CACNA1C: variants seen among roughly 807,000 people sequenced by gnomAD.
CACNA1C encodes calcium voltage-gated channel subunit alpha1 C.
In CACNA1C, 30 loss-of-function variants were observed where a neutral mutation model predicts 229.0. The observed-to-expected ratio is 0.13, with a 90% CI of 0.10 to 0.18. The LOEUF is 0.18. Ranked by LOEUF, CACNA1C falls within the 10% of genes least tolerant of loss-of-function variation. The pLI is 1.00. For missense variants in CACNA1C, 1,658 were observed against 2,845.0 expected, an observed-to-expected ratio of 0.58 and a Z score of 9.49; for synonymous variants, 1,114 against 1,132.5, an observed-to-expected ratio of 0.98 and a Z score of 0.33.
chr12:2,167,077 G>A (rs1275025428), intron 3 of CACNA1C, among the ~76,000 whole-genome samples: 2 of 152,174 alleles, frequency 1.3e-5, no homozygotes, highest in South Asian at 2.1e-4. Context: ...TTCAACCCAC[G>A]TTTATCATCA....
At chr12:2,674,845 G>C (rs569563112) in intron 39 of CACNA1C, among the ~76,000 whole-genome samples, 1 of 152,220 alleles carries the variant, frequency 6.6e-6, no homozygotes, top group Non-Finnish European at 1.5e-5. Flanking sequence ...GGAGGCAGGT[G>C]CAACGCCCTG....
Position 2,466,896 on chromosome 12 carries a change from A to T in CACNA1C, c.757+9190A>T, listed in dbSNP as rs557030361. ...CTTCAGCCTCTCCACCCCTGTTCTC[A>T]CCCCCTCTCATGTCCTTGGACTTGG... is the stretch of plus-strand genomic sequence containing the variant. On this transcript the variant is annotated intron_variant, in intron 5 of 46. Coordinates refer to ENST00000399655, the MANE Select transcript of CACNA1C (RefSeq NM_000719.7). Among the ~76,000 whole-genome samples, 4 of 150,412 alleles carry T rather than the reference A, an allele frequency of 2.7e-5. No homozygotes were observed. The East Asian group carries it at 7.9e-4, about 30-fold the overall frequency.
At chr12:2,369,919 A>C (rs1488966904) in intron 3 of CACNA1C, among the ~76,000 whole-genome samples, 12 of 152,234 alleles carry the variant, frequency 7.9e-5, no homozygotes. Context: ...CCACAGAAAA[A>C]TTACAGAAAA....
intron 3 of CACNA1C, among the ~76,000 whole-genome samples, chr12:2,300,992 T>C (rs2094514240): frequency 6.6e-6 from 1 of 152,238 alleles, no homozygotes. Flanking sequence ...GTCCTGGAGC[T>C]GCACAGCCAC....
intron 3 of CACNA1C, among the ~76,000 whole-genome samples, chr12:2,122,718 C>G (rs183645113): frequency 6.6e-6 from 1 of 152,376 alleles, no homozygotes; most frequent in Non-Finnish European, 1.5e-5. Context: ...GGGAGCTCAT[C>G]TGTGTCCACA....
At chr12:2,324,482 A>T (rs979644741) in intron 3 of CACNA1C, among the ~76,000 whole-genome samples, 2 of 152,210 alleles carry the variant, frequency 1.3e-5, no homozygotes, top group Admixed American at 1.3e-4. Flanking sequence ...ACCATTGCAC[A>T]CATGCCTGAG....
intron 3 of CACNA1C, among the ~76,000 whole-genome samples, chr12:2,394,883 C>A (rs2098545130): frequency 6.6e-6 from 1 of 152,224 alleles, no homozygotes; most frequent in South Asian, 2.1e-4. Flanking sequence ...GCTGTATCTG[C>A]AAAGCCAGTG....
intron 3 of CACNA1C, among the ~76,000 whole-genome samples, chr12:2,194,386 C>T (rs2097340235): frequency 6.8e-6 from 1 of 148,010 alleles, no homozygotes; most frequent in African/African-American, 2.5e-5. Flanking sequence ...CCCCTTCCTG[C>T]TCCCCCTCCT....
chr12:2,377,626 G>A (rs2098116010), intron 3 of CACNA1C, among the ~76,000 whole-genome samples: 1 of 152,176 alleles, frequency 6.6e-6, no homozygotes, highest in Non-Finnish European at 1.5e-5. Context: ...CACAGGTACT[G>A]AGCATTGAGC....
chr12:2,313,686 G>C (rs1490649771), intron 3 of CACNA1C, among the ~76,000 whole-genome samples: 1 of 152,122 alleles, frequency 6.6e-6, no homozygotes, highest in Non-Finnish European at 1.5e-5. Context: ...ACACATGCTG[G>C]TTCCCTCCCT....
Position 2,348,831 on chromosome 12 carries a change from A to T in CACNA1C, c.478-100145A>T, listed in dbSNP as rs1200128408. Among the ~76,000 whole-genome samples the T allele has an allele frequency of 1.3e-5, 2 of 151,968 alleles. No individual in the cohort carries two copies. Among genetic ancestry groups the T allele is most frequent in the Non-Finnish European group, 2.9e-5 (2 of 67,996 alleles). On this transcript the variant is annotated intron_variant, in intron 3 of 46. Coordinates refer to ENST00000399655, the MANE Select transcript of CACNA1C (RefSeq NM_000719.7). This position sits in a 1 kb window ranked among gnomAD's most constrained non-coding sequence, Gnocchi z 4.7. ...CCCAGACACAGGGTGGGGCTGTTGG[A>T]TGTTACCCGTCATGTCAGCATTCAG...
intron 3 of CACNA1C, among the ~76,000 whole-genome samples, chr12:2,155,964 A>G (rs1010037370): frequency 1.3e-5 from 2 of 152,206 alleles, no homozygotes; most frequent in African/African-American, 4.8e-5. Context: ...ATTGTTATAA[A>G]GCATTTTTCC....
chr12:2,486,908 C>T lies in CACNA1C; in HGVS notation c.916+646C>T, dbSNP rs1193785115. ...AGTTCTACCCCATGACTCCCAGTCCCTTCCTTTTTGAGCCTTCCCACTTCA... is the reference window on the plus strand; with the variant it reads ...AGTTCTACCCCATGACTCCCAGTCCTTTCCTTTTTGAGCCTTCCCACTTCA... On this transcript the variant is annotated intron_variant, in intron 6 of 46. Transcript: ENST00000399655. The surrounding 1 kb of genome is among the most constrained non-coding windows in gnomAD (Gnocchi z 4.9). 6.6e-6 allele frequency among the ~76,000 whole-genome samples: 1 copy of T among 152,214 alleles called. No individual in the cohort carries two copies. Among genetic ancestry groups the T allele is most frequent in the East Asian group, 1.9e-4 (1 of 5,190 alleles).
At chr12:2,205,074 C>T (rs1466740103) in intron 3 of CACNA1C, among the ~76,000 whole-genome samples, 1 of 152,190 alleles carries the variant, frequency 6.6e-6, no homozygotes, top group Non-Finnish European at 1.5e-5. Flanking sequence ...GTGTGGGAGG[C>T]TCTGCAAAGC....
intron 3 of CACNA1C, among the ~76,000 whole-genome samples, chr12:2,274,703 C>T (rs541227127): frequency 3.3e-5 from 5 of 152,228 alleles, no homozygotes; most frequent in East Asian, 1.9e-4. Flanking sequence ...ACTAGGAGGC[C>T]GTAATTAGTG....
Position 2,651,799 on chromosome 12 carries a change from G to T in CACNA1C, c.4074+31G>T. 6.4e-7 allele frequency: 1 copy of T among 1,562,584 alleles called. No homozygotes were observed. The highest frequency in any genetic ancestry group is 1.2e-5 in the South Asian group (1 of 83,844). On this transcript the variant is annotated intron_variant, in intron 32 of 46. Transcript: ENST00000399655. The surrounding 1 kb of genome is among the most constrained non-coding windows in gnomAD (Gnocchi z 5.4). ...CGCCCCTCATGTCCTGCGGCCCGGG[G>T]AATCGCAGGGCTGCCGCGTGGCCCA...
At chr12:2,668,660 A>G (rs1373249422) in intron 37 of CACNA1C, 1 of 393,050 alleles carries the variant, frequency 2.5e-6, no homozygotes, top group African/African-American at 2.0e-5. Flanking sequence ...GACAGGGAGC[A>G]AGAGAGAAGG....
chr12:2,176,044 T>G (rs1374671844), intron 3 of CACNA1C, among the ~76,000 whole-genome samples: 1 of 151,998 alleles, frequency 6.6e-6, no homozygotes, highest in Non-Finnish European at 1.5e-5. Context: ...TGCTATATAT[T>G]TAGTTCAGGG....
At position 2,512,796 on chromosome 12, in the gene CACNA1C, C is replaced by G. The variant is rs948893951; in HGVS notation, c.1218-16C>G. The G allele has an allele frequency of 3.1e-6, 5 of 1,600,674 alleles. No homozygotes were observed. In the African/African-American group the frequency reaches 6.7e-5, roughly 21 times the overall value. ...TCTGTGCTCTCCTGCCCTGCCCCTC[C>G]TCTCACTCTCACCAGAGAGTTTTCC... On this transcript the variant is annotated splice_polypyrimidine_tract_variant and intron_variant, in intron 8 of 46. Coordinates refer to ENST00000399655, the MANE Select transcript of CACNA1C (RefSeq NM_000719.7). This position sits in a 1 kb window ranked among gnomAD's most constrained non-coding sequence, Gnocchi z 4.3.
Sources: gnomAD v4.1 joint callset for allele counts (sites outside exome capture counted in the v4.1 genomes callset) on GRCh38, gnomAD v4.1.1 for gene constraint, Gnocchi (gnomAD v3.1) non-coding constraint, MANE v1.5 for transcripts, NCBI Gene and HGNC (gene_info 2026-07-23, HGNC 2026-07-21) for gene names.